NEXMIF: variants seen among roughly 807,000 people sequenced by gnomAD.
The protein encoded by NEXMIF is neurite extension and migration factor, also known as XLMR protein related to neurite extension.
In NEXMIF, 8 loss-of-function variants were observed where a neutral mutation model predicts 62.1. The ratio of observed to expected loss-of-function variants is 0.13; its 90% CI spans 0.08 to 0.23. NEXMIF has a LOEUF of 0.23. Ranked by LOEUF, NEXMIF falls within the 10% of genes least tolerant of loss-of-function variation. NEXMIF has a pLI of 1.00. For synonymous variants in NEXMIF, 404 were observed against 416.6 expected, an observed-to-expected ratio of 0.97 and a Z score of 0.37; for missense variants, 976 against 1,113.3, an observed-to-expected ratio of 0.88 and a Z score of 1.75.
chrX:74,856,745 G>GA (rs2080536426), intron 1 of NEXMIF, among the ~76,000 whole-genome samples: 1 of 111,731 alleles, frequency 9.0e-6, no homozygotes, highest in African/African-American at 3.3e-5. Flanking sequence ...TAATATTTCT[G>GA]AAAGAGGCAC....
chrX:74,757,790 G>T (rs994368521), intron 1 of NEXMIF, among the ~76,000 whole-genome samples: 1 of 111,237 alleles, frequency 9.0e-6, no homozygotes. Context: ...AGTGTGAAGG[G>T]TAGTTTCTTG....
chrX:74,805,594 T>G (rs926516113), intron 1 of NEXMIF, among the ~76,000 whole-genome samples: 1 of 112,050 alleles, frequency 8.9e-6, no homozygotes, highest in Non-Finnish European at 1.9e-5. Context: ...GTGCTCATGT[T>G]GACATGGGTT....
intron 1 of NEXMIF, among the ~76,000 whole-genome samples, chrX:74,835,067 C>T (rs1025301159): frequency 2.7e-5 from 3 of 111,827 alleles, no homozygotes; most frequent in African/African-American, 6.5e-5. Context: ...TTCTTGTGCT[C>T]GATCAGTTCT....
At chrX:74,884,119 C>T (rs987262559) in intron 1 of NEXMIF, among the ~76,000 whole-genome samples, 1 of 111,725 alleles carries the variant, frequency 9.0e-6, no homozygotes, top group African/African-American at 3.3e-5. Context: ...AACCACCAGG[C>T]CTGCCCTAAA....
intron 1 of NEXMIF, among the ~76,000 whole-genome samples, chrX:74,749,949 C>T (rs866340828): frequency 9.0e-6 from 1 of 111,614 alleles, no homozygotes; most frequent in African/African-American, 3.3e-5. Context: ...TAATGTTTGG[C>T]TGAAATAGGT....
In NEXMIF at chrX:74,924,863, A is replaced by C. The variant is rs762247548; in HGVS notation, c.-48+20T>G. The C allele has an allele frequency of 8.8e-6, 1 of 114,148 alleles. No homozygotes were observed. The highest frequency in any genetic ancestry group is 3.4e-4 in the South Asian group (1 of 2,924). 9.4% of individuals were successfully genotyped at this position (114,148 alleles called of 1,213,427 possible). ...GCCGGCGAGAAGGCCAGGAAGCTGT[A>C]TGGCAGCGCTCCTACTCACCTCACA... On this transcript the variant is annotated intron_variant, in intron 1 of 3. Transcript: ENST00000055682.
intron 1 of NEXMIF, among the ~76,000 whole-genome samples, chrX:74,779,060 A>T (rs951832658): frequency 8.9e-6 from 1 of 112,669 alleles, no homozygotes; most frequent in African/African-American, 3.2e-5. Flanking sequence ...ATTCTTGCAC[A>T]TTCTTGCTGC....
chrX:74,902,158 C>CA (rs775303433), intron 1 of NEXMIF, among the ~76,000 whole-genome samples: 11 of 108,581 alleles, frequency 1.0e-4, no homozygotes, highest in South Asian at 4.0e-4. Context: ...GTCATCTTAA[C>CA]AAAAAAAAGG....
intron 1 of NEXMIF, among the ~76,000 whole-genome samples, chrX:74,760,534 T>C (rs1329534306): frequency 8.9e-6 from 1 of 112,021 alleles, no homozygotes; most frequent in Non-Finnish European, 1.9e-5. Context: ...TTGTAATAGA[T>C]GGCTCTTATT....
chrX:74,846,453 A>T (rs1258637432), intron 1 of NEXMIF, among the ~76,000 whole-genome samples: 1 of 111,735 alleles, frequency 8.9e-6, no homozygotes, highest in Non-Finnish European at 1.9e-5. Flanking sequence ...CTAGCTCTCA[A>T]TACCACTTAT....
At chrX:74,844,118 T>C (rs778137109) in intron 1 of NEXMIF, among the ~76,000 whole-genome samples, 6 of 111,942 alleles carry the variant, frequency 5.4e-5, no homozygotes, top group Admixed American at 9.5e-5. Flanking sequence ...TCCCAGTCTC[T>C]TCTGGCTTGT....
At chrX:74,873,112 G>C (rs2080610511) in intron 1 of NEXMIF, among the ~76,000 whole-genome samples, 1 of 109,944 alleles carries the variant, frequency 9.1e-6, no homozygotes, top group African/African-American at 3.3e-5. Flanking sequence ...CTAGCATTAG[G>C]TATATCTCCC....
chrX:74,874,743 CT>C (rs2080622069), intron 1 of NEXMIF, among the ~76,000 whole-genome samples: 1 of 91,705 alleles, frequency 1.1e-5, no homozygotes, highest in African/African-American at 4.2e-5. Flanking sequence ...GTATTTTATT[CT>C]CTTTGAAGCA....
At chrX:74,874,252 C>T (rs1446803797) in intron 1 of NEXMIF, among the ~76,000 whole-genome samples, 1 of 108,573 alleles carries the variant, frequency 9.2e-6, no homozygotes, top group Non-Finnish European at 1.9e-5. Flanking sequence ...AATAGGGAAT[C>T]CTTTCCCCAT....
chrX:74,745,347 T>C (rs1256527408), intron 2 of NEXMIF, among the ~76,000 whole-genome samples: 1 of 111,670 alleles, frequency 9.0e-6, no homozygotes, highest in East Asian at 2.8e-4. Context: ...TTGAGGATCT[T>C]CATCTGGCAG....
chrX:74,842,368 C>A (rs1459249204), intron 1 of NEXMIF, among the ~76,000 whole-genome samples: 1 of 111,492 alleles, frequency 9.0e-6, no homozygotes, highest in East Asian at 2.8e-4. Flanking sequence ...ATCTTATTTT[C>A]TTCTTTATTA....
chrX:74,749,048 C>A (rs1403433522), intron 1 of NEXMIF, among the ~76,000 whole-genome samples: 1 of 111,534 alleles, frequency 9.0e-6, no homozygotes, highest in Non-Finnish European at 1.9e-5. Context: ...GAGGCTAGAT[C>A]TCTGTTCTCA....
At chrX:74,806,494 G>T (rs193229761) in intron 1 of NEXMIF, among the ~76,000 whole-genome samples, 1 of 111,556 alleles carries the variant, frequency 9.0e-6, no homozygotes, top group East Asian at 2.8e-4. Context: ...TTCAATATTG[G>T]TTCCTTAATT....
chrX:74,741,821 T>C lies in NEXMIF; in HGVS notation c.2736A>G (p.Gln912=), dbSNP rs764926301. 2.5e-6 allele frequency: 3 copies of C among 1,210,242 alleles called. No individual in the cohort carries two copies. The highest frequency in any genetic ancestry group is 5.9e-5 in the East Asian group (2 of 33,746). Residue 912 remains glutamine (Q), a synonymous_variant, in exon 3 of 4, where the codon CAA becomes CAG. Transcript: ENST00000055682. ...CTTGGGAGGCTCCAAATTCACTGGA[T>C]TGGGTTGGGGCTATCTCCCTTGAGA... is the stretch of plus-strand genomic sequence containing the variant. ...AEVSREIAPT[Q]SSEFGASQVV... is the part of the protein sequence containing the mutation.
Sources: gnomAD v4.1 joint callset for allele counts (sites outside exome capture counted in the v4.1 genomes callset) on GRCh38, gnomAD v4.1.1 for gene constraint, MANE v1.5 for transcripts, NCBI Gene and HGNC (gene_info 2026-07-23, HGNC 2026-07-21) for gene names.